Variants in LRP1B observed in about 807,000 individuals in gnomAD.
The protein encoded by LRP1B is LDL receptor related protein 1B.
LRP1B carries 217 observed loss-of-function variants against 556.6 expected under a neutral mutation model. The observed-to-expected ratio is 0.39, with a 90% CI of 0.35 to 0.44. The LOEUF (loss-of-function observed/expected upper bound fraction) is 0.44. Among genes scored for constraint, LRP1B ranks in the 20% least tolerant of loss-of-function variants. The probability of loss-of-function intolerance (pLI) is 1.00; values close to 1 mark genes in which losing one functional copy is unlikely to be tolerated. For missense variants in LRP1B, 5,053 were observed against 5,620.8 expected, an observed-to-expected ratio of 0.90 and a Z score of 3.23; for synonymous variants, 2,047 against 1,865.8, an observed-to-expected ratio of 1.10 and a Z score of -2.50.
chr2:141,668,188 C>G (rs982604934), intron 2 of LRP1B, among the ~76,000 whole-genome samples: 1 of 152,246 alleles, frequency 6.6e-6, no homozygotes, highest in African/African-American at 2.4e-5. Flanking sequence ...ATTTCCCTTA[C>G]CTTTGCACAG....
chr2:141,122,908 T>A (rs1574096649), intron 7 of LRP1B, among the ~76,000 whole-genome samples: 1 of 152,126 alleles, frequency 6.6e-6, no homozygotes, highest in South Asian at 2.1e-4. Context: ...CACCATGGAA[T>A]ACTATGCAGC....
chr2:142,095,292 AG>A (rs1480592712), intron 1 of LRP1B, among the ~76,000 whole-genome samples: 1 of 151,724 alleles, frequency 6.6e-6, no homozygotes, highest in Non-Finnish European at 1.5e-5. Context: ...AGCACCTTCT[AG>A]TTTTTAAAAA....
chr2:141,977,154 T>G (rs1244377504), intron 1 of LRP1B, among the ~76,000 whole-genome samples: 18 of 152,208 alleles, frequency 1.2e-4, no homozygotes, highest in African/African-American at 2.4e-5. Context: ...AACTTTTTTT[T>G]GATCTTTTGG....
chr2:141,142,911 T>C (rs1701689254), intron 7 of LRP1B, among the ~76,000 whole-genome samples: 1 of 147,920 alleles, frequency 6.8e-6, no homozygotes, highest in Non-Finnish European at 1.5e-5. Flanking sequence ...ATTAACAAAT[T>C]GTCTGATTAC....
At chr2:140,362,563 C>T (rs1052240317) in intron 72 of LRP1B, among the ~76,000 whole-genome samples, 7 of 151,646 alleles carry the variant, frequency 4.6e-5, no homozygotes, top group Non-Finnish European at 1.0e-4. Flanking sequence ...AGCTACCTGG[C>T]TCTGTGCCCT....
chr2:141,127,786 C>T (rs779083046), intron 7 of LRP1B, among the ~76,000 whole-genome samples: 32 of 152,122 alleles, frequency 2.1e-4, no homozygotes, highest in Admixed American at 1.5e-3. Context: ...AAAAAAATCA[C>T]GCTAAGAGTC....
In LRP1B at chr2:140,490,866, C is replaced by T. The variant is rs145870121; in HGVS notation, c.9120+1742G>A. 2.4e-3 allele frequency among the ~76,000 whole-genome samples: 367 copies of T among 152,172 alleles called. 2 individuals are homozygous for T. The highest frequency in any genetic ancestry group is 8.6e-3 in the African/African-American group (357 of 41,522). On this transcript the variant is annotated intron_variant, in intron 57 of 90. Transcript: ENST00000389484. ...TAGGTGTGTTCAGATCCTTCATGAA[C>T]GTTTTCATCATCCTCACTGTTTCTT...
intron 2 of LRP1B, among the ~76,000 whole-genome samples, chr2:141,776,317 A>G (rs1470369776): frequency 2.0e-5 from 3 of 152,186 alleles, no homozygotes; most frequent in Non-Finnish European, 4.4e-5. Flanking sequence ...TGGGCAATTA[A>G]CTTGTTTTTC....
At chr2:140,394,603 A>G (rs1684171758) in intron 66 of LRP1B, among the ~76,000 whole-genome samples, 1 of 152,098 alleles carries the variant, frequency 6.6e-6, no homozygotes, top group African/African-American at 2.4e-5. Flanking sequence ...CCCACATAAC[A>G]TTCTGCTTCT....
At chr2:140,851,252 T>C (rs574904188) in intron 28 of LRP1B, among the ~76,000 whole-genome samples, 3 of 152,282 alleles carry the variant, frequency 2.0e-5, no homozygotes, top group Non-Finnish European at 4.4e-5. Flanking sequence ...CAAATGATGC[T>C]AGAGTGACTT....
intron 2 of LRP1B, among the ~76,000 whole-genome samples, chr2:141,601,347 A>G (rs1559168706): frequency 6.6e-6 from 1 of 152,154 alleles, no homozygotes; most frequent in Non-Finnish European, 1.5e-5. Flanking sequence ...TCCATGCTGT[A>G]CCTATAAGTA....
intron 31 of LRP1B, among the ~76,000 whole-genome samples, chr2:140,832,448 T>A (rs1691749642): frequency 6.6e-6 from 1 of 152,244 alleles, no homozygotes. Context: ...TATAAAGAGA[T>A]ACCTGCACTA....
intron 2 of LRP1B, among the ~76,000 whole-genome samples, chr2:141,603,346 G>A (rs368483804): frequency 6.6e-6 from 1 of 152,120 alleles, no homozygotes; most frequent in East Asian, 1.9e-4. Context: ...GTGTATGCAT[G>A]CGTTTGTGTA....
rs767363936 is a variant in LRP1B at position 140,541,117 on chromosome 2, A to T, written c.7388-19T>A. 14 of 1,585,686 alleles carry T rather than the reference A, an allele frequency of 8.8e-6. No individual in the cohort carries two copies. The South Asian group carries it at 1.6e-4, about 18-fold the overall frequency. On this transcript the variant is annotated intron_variant, in intron 44 of 90. Coordinates refer to ENST00000389484, the MANE Select transcript of LRP1B (RefSeq NM_018557.3). The stretch of plus-strand genomic sequence containing the variant: ...AGTTCACCTACAATAAAGAGGGTGT[A>T]TTGGTAACATTTTATATCGAATTCC...
intron 86 of LRP1B, among the ~76,000 whole-genome samples, chr2:140,265,779 A>G (rs1488220787): frequency 2.0e-5 from 3 of 152,050 alleles, no homozygotes; most frequent in Admixed American, 2.0e-4. Context: ...ACTAAAAACT[A>G]TTTCCAAAAG....
At chr2:141,111,692 G>A (rs1700754697) in intron 7 of LRP1B, among the ~76,000 whole-genome samples, 4 of 152,218 alleles carry the variant, frequency 2.6e-5, no homozygotes, top group South Asian at 4.2e-4. Flanking sequence ...AACTGTGAAG[G>A]CAGCAACTAG....
chr2:141,687,559 G>C (rs1273138047), intron 2 of LRP1B, among the ~76,000 whole-genome samples: 2 of 151,950 alleles, frequency 1.3e-5, no homozygotes, highest in Non-Finnish European at 2.9e-5. Context: ...TGACCACATA[G>C]AGTCAGTTGA....
In LRP1B at chr2:140,442,700, TGTTTAAGACA is replaced by T. The variant is rs1686484804; in HGVS notation, c.10295-87_10295-78del. 12 of 1,426,236 alleles carry T rather than the reference TGTTTAAGACA, an allele frequency of 8.4e-6. No homozygotes were observed. In the South Asian group the frequency reaches 1.3e-4, roughly 15 times the overall value. The allele number at this position is 1,426,236 out of a possible 1,614,324, so 88.3% of individuals were successfully genotyped here. ...ATTAAAAGCAAATTTTACAGACAAATGTTTAAGACAGTTTATCGAAAAATGTATTGTCTTT... is the reference window on the plus strand; with the variant it reads ...ATTAAAAGCAAATTTTACAGACAAATGTTTATCGAAAAATGTATTGTCTTT... On this transcript the variant is annotated intron_variant, in intron 65 of 90. Coordinates refer to ENST00000389484, the MANE Select transcript of LRP1B (RefSeq NM_018557.3).
At chr2:140,333,148 A>G (rs1016972911) in intron 79 of LRP1B, among the ~76,000 whole-genome samples, 1 of 151,912 alleles carries the variant, frequency 6.6e-6, no homozygotes, top group Non-Finnish European at 1.5e-5. Flanking sequence ...AGAACGTACT[A>G]TTCTATTTTC....
Sources: gnomAD v4.1 joint callset for allele counts (sites outside exome capture counted in the v4.1 genomes callset) on GRCh38, gnomAD v4.1.1 for gene constraint, MANE v1.5 for transcripts, NCBI Gene and HGNC (gene_info 2026-07-23, HGNC 2026-07-21) for gene names.